DCC: variants seen among roughly 807,000 people sequenced by gnomAD.
The protein encoded by DCC is netrin receptor DCC.
In DCC, 58 loss-of-function variants were observed where a neutral mutation model predicts 172.5. The ratio of observed to expected loss-of-function variants is 0.34; its 90% confidence interval spans 0.27 to 0.42. The LOEUF (loss-of-function observed/expected upper bound fraction) is 0.42, where lower values mean the gene tolerates loss of function less well. DCC is among the 10% of genes least tolerant of loss of function. The probability of loss-of-function intolerance (pLI) is 1.00; values close to 1 mark genes in which losing one functional copy is unlikely to be tolerated. For missense variants in DCC, 1,740 were observed against 1,791.0 expected (o/e 0.97, Z 0.51); for synonymous variants, 709 against 644.5 (o/e 1.10, Z -1.52).
At chr18:53,463,368 G>T (rs886146666) in intron 24 of DCC, among the ~76,000 whole-genome samples, 1 of 152,090 alleles carries the variant, frequency 6.6e-6, no homozygotes, top group East Asian at 1.9e-4. Flanking sequence ...TGAGGACCTC[G>T]TTGCCAATTT....
intron 12 of DCC, among the ~76,000 whole-genome samples, chr18:53,269,582 T>C (rs1265738224): frequency 2.0e-5 from 3 of 152,220 alleles, no homozygotes; most frequent in Admixed American, 2.0e-4. Context: ...GCAATTACAT[T>C]AATCATTGTC....
chr18:53,088,160 G>C (rs1310818600), intron 7 of DCC, among the ~76,000 whole-genome samples: 1 of 152,156 alleles, frequency 6.6e-6, no homozygotes, highest in African/African-American at 2.4e-5. Context: ...GTAGCTTGAT[G>C]GGCATGGCAT....
chr18:53,023,366 A>C (rs1291563057), intron 5 of DCC, among the ~76,000 whole-genome samples: 3 of 149,596 alleles, frequency 2.0e-5, no homozygotes, highest in Middle Eastern at 3.2e-3. Context: ...AATAAAAATA[A>C]AAATAAAAAG....
chr18:52,570,780 A>G (rs80321757), intron 1 of DCC, among the ~76,000 whole-genome samples: 1 of 152,258 alleles, frequency 6.6e-6, no homozygotes, highest in Non-Finnish European at 1.5e-5. Context: ...TTTTGGGGCA[A>G]TAATGATCAT....
intron 15 of DCC, among the ~76,000 whole-genome samples, chr18:53,354,368 C>G (rs2057852085): frequency 6.6e-6 from 1 of 152,208 alleles, no homozygotes; most frequent in East Asian, 1.9e-4. Flanking sequence ...AACTCATTTA[C>G]AGTCCCACCA....
At chr18:53,370,434 C>T (rs1235446586) in intron 15 of DCC, among the ~76,000 whole-genome samples, 1 of 151,632 alleles carries the variant, frequency 6.6e-6, no homozygotes, top group Admixed American at 6.6e-5. Context: ...TTCCTATTCT[C>T]TATTTATCTC....
At chr18:52,627,689 G>A (rs2034599853) in intron 1 of DCC, among the ~76,000 whole-genome samples, 1 of 152,214 alleles carries the variant, frequency 6.6e-6, no homozygotes, top group Non-Finnish European at 1.5e-5. Context: ...AGGACAGGGA[G>A]GTAAAGCAAA....
At chr18:52,660,186 A>G (rs374017687) in intron 1 of DCC, among the ~76,000 whole-genome samples, 1 of 152,156 alleles carries the variant, frequency 6.6e-6, no homozygotes, top group South Asian at 2.1e-4. Flanking sequence ...GGAGAGGTGA[A>G]GGAAAGTCTC....
intron 8 of DCC, among the ~76,000 whole-genome samples, chr18:53,168,660 GT>G (rs1436450177): frequency 6.6e-6 from 1 of 152,004 alleles, no homozygotes; most frequent in Non-Finnish European, 1.5e-5. Context: ...CATGGCACAT[GT>G]ATACCTATGT....
intron 1 of DCC, among the ~76,000 whole-genome samples, chr18:52,525,547 T>C (rs2031957080): frequency 3.9e-5 from 6 of 152,210 alleles, no homozygotes; most frequent in Admixed American, 3.9e-4. Context: ...GGATGAGTAG[T>C]TGTAAGAAAT....
intron 27 of DCC, among the ~76,000 whole-genome samples, chr18:53,508,182 C>CATGAGCCACT (rs2046206527): frequency 6.7e-6 from 1 of 149,308 alleles, no homozygotes; most frequent in South Asian, 2.1e-4. Context: ...CATGAGCCAC[C>CATGAGCCACT]GCGCCCGGCC....
chr18:53,258,742 G>T (rs557298084), intron 12 of DCC, among the ~76,000 whole-genome samples: 1 of 152,144 alleles, frequency 6.6e-6, no homozygotes, highest in Non-Finnish European at 1.5e-5. Context: ...TTGGTGCAGA[G>T]CTGAGTTTAG....
rs11426617 is a variant in DCC, at chr18:52,856,625, C to CAAAAAAAAAAAAAAAAAAAAAAAAA, written c.413-49401_413-49400insAAAAAAAAAAAAAAAAAAAAAAAAA. Among the ~76,000 whole-genome samples the CAAAAAAAAAAAAAAAAAAAAAAAAA allele has an allele frequency of 2.4e-5, 2 of 83,006 alleles. 1 individual carries two copies. Among genetic ancestry groups the CAAAAAAAAAAAAAAAAAAAAAAAAA allele is most frequent in the Non-Finnish European group, 4.2e-5 (2 of 47,948 alleles). The allele number at this position is 83,006 out of a possible 152,430, so 54.5% of individuals were successfully genotyped here. Reference sequence around the variant, plus strand: ...TGGGCGACAGAGCAAGACTCCATCTCAAAAAAAAAAAAAAAAAAGAAAACA... The same window carrying CAAAAAAAAAAAAAAAAAAAAAAAAA: ...TGGGCGACAGAGCAAGACTCCATCTCAAAAAAAAAAAAAAAAAAAAAAAAAAAAAAAAAAAAAAAAAAAGAAAACA... On this transcript the variant is annotated intron_variant, in intron 2 of 28. Transcript: ENST00000442544.
chr18:52,464,033 C>T (rs1988709542), intron 1 of DCC, among the ~76,000 whole-genome samples: 1 of 152,144 alleles, frequency 6.6e-6, no homozygotes, highest in Non-Finnish European at 1.5e-5. Context: ...ATTTCTATTA[C>T]ATGATTAACA....
intron 2 of DCC, among the ~76,000 whole-genome samples, chr18:52,797,006 A>AT (rs1438551494): frequency 2.9e-5 from 4 of 138,948 alleles, no homozygotes; most frequent in South Asian, 2.6e-4. Flanking sequence ...TTCTTCATTC[A>AT]TTCCTTTTTT....
intron 2 of DCC, among the ~76,000 whole-genome samples, chr18:52,766,472 T>G: frequency 6.6e-6 from 1 of 151,710 alleles, no homozygotes. Flanking sequence ...TAAGGTTGCA[T>G]GAATAAATTG....
At chr18:52,404,774 C>T (rs1383509691) in intron 1 of DCC, among the ~76,000 whole-genome samples, 5 of 150,750 alleles carry the variant, frequency 3.3e-5, no homozygotes, top group Admixed American at 1.3e-4. Context: ...AACTCGTCAT[C>T]TAGCATTAGG....
intron 12 of DCC, among the ~76,000 whole-genome samples, chr18:53,264,932 A>C (rs1402211035): frequency 6.6e-6 from 1 of 152,122 alleles, no homozygotes; most frequent in Non-Finnish European, 1.5e-5. Flanking sequence ...AATCTTGCTC[A>C]CAATTTTTGC....
chr18:53,416,088 C>G (rs1410018547), intron 20 of DCC, 36 bp from the exon 21 acceptor site: 6 of 1,562,038 alleles, frequency 3.8e-6, no homozygotes, highest in Non-Finnish European at 5.3e-6. Context: ...TAGGAACTGT[C>G]AAAGTCTAAT....
Sources: allele counts gnomAD v4.1 joint callset (sites outside exome capture counted in the v4.1 genomes callset), GRCh38; gene constraint gnomAD v4.1.1; transcripts MANE v1.5; gene names NCBI Gene and HGNC (gene_info 2026-07-23, HGNC 2026-07-21).